The following AFF2 variants were observed in gnomAD, a reference collection of about 807,000 sequenced individuals.
The protein encoded by AFF2 is ALF transcription elongation factor 2.
A neutral mutation model predicts 76.9 loss-of-function variants in AFF2; 14 were observed. The ratio of observed to expected loss-of-function variants is 0.18; its 90% CI spans 0.12 to 0.28. The LOEUF (loss-of-function observed/expected upper bound fraction) is 0.28, where lower values mean the gene tolerates loss of function less well. AFF2 is among the 10% of genes least tolerant of loss of function. The pLI is 1.00. For synonymous variants in AFF2, 398 were observed against 366.7 expected (o/e 1.09, Z -0.98); for missense variants, 868 against 1,001.1 (o/e 0.87, Z 1.79).
chrX:148,834,505 ATGTGTGTGTGTGTGTGTG>A (rs61709112), intron 4 of AFF2, among the ~76,000 whole-genome samples: 1 of 91,688 alleles, frequency 1.1e-5, no homozygotes, highest in Non-Finnish European at 2.2e-5. Context: ...CCAGTCTCAG[ATGTGTGTGTGTGTGTGTG>A]TGTGTGTGTG....
intron 1 of AFF2, among the ~76,000 whole-genome samples, chrX:148,562,971 A>G (rs782049159): frequency 8.9e-6 from 1 of 112,307 alleles, no homozygotes; most frequent in Admixed American, 9.5e-5. Context: ...CCTGTAATGC[A>G]GTTACAGAAG....
chrX:148,549,505 C>T (rs1176023724), intron 1 of AFF2, among the ~76,000 whole-genome samples: 1 of 111,458 alleles, frequency 9.0e-6, no homozygotes, highest in Non-Finnish European at 1.9e-5. Context: ...TAATCATAGC[C>T]TCGTTTACCT....
intron 3 of AFF2, among the ~76,000 whole-genome samples, chrX:148,696,957 ACC>A: frequency 8.9e-6 from 1 of 112,233 alleles, no homozygotes; most frequent in African/African-American, 3.2e-5. Context: ...TTTGCTCCCA[ACC>A]CTGTTAATGC....
chrX:148,701,652 G>C (rs781822921), intron 3 of AFF2, among the ~76,000 whole-genome samples: 1 of 112,194 alleles, frequency 8.9e-6, no homozygotes, highest in South Asian at 3.7e-4. Flanking sequence ...TTCTAGAATC[G>C]TTGCTTTAGA....
chrX:148,593,881 C>T (rs1303197487), intron 1 of AFF2, among the ~76,000 whole-genome samples: 1 of 111,216 alleles, frequency 9.0e-6, no homozygotes, highest in Non-Finnish European at 1.9e-5. Flanking sequence ...TATGAACAAT[C>T]AGCATGGAAC....
chrX:148,646,750 C>T (rs1344296109), intron 1 of AFF2, among the ~76,000 whole-genome samples: 1 of 111,523 alleles, frequency 9.0e-6, no homozygotes, highest in Non-Finnish European at 1.9e-5. Flanking sequence ...TGCTGAGTTC[C>T]TCATGAGTCC....
At chrX:148,976,500 G>A (rs1247501910) in intron 16 of AFF2, among the ~76,000 whole-genome samples, 2 of 112,179 alleles carry the variant, frequency 1.8e-5, no homozygotes, top group African/African-American at 6.5e-5. Flanking sequence ...AATAAAATGA[G>A]TTAAAGCAAC....
intron 1 of AFF2, among the ~76,000 whole-genome samples, chrX:148,585,840 CAAA>C (rs1194523651): frequency 3.9e-5 from 1 of 25,540 alleles, no homozygotes. Context: ...GACTGCGTCT[CAAA>C]AAAAAAAAAA....
At chrX:148,966,700 T>C in intron 13 of AFF2, 90 bp from the exon 14 acceptor site, 2 of 1,140,816 alleles carry the variant, frequency 1.8e-6, no homozygotes, top group Non-Finnish European at 2.3e-6. Flanking sequence ...TTTGCCTTCT[T>C]TCGTAACGTG....
intron 19 of AFF2, among the ~76,000 whole-genome samples, chrX:148,982,509 C>A (rs1252083979): frequency 1.8e-5 from 2 of 111,810 alleles, no homozygotes; most frequent in African/African-American, 6.5e-5. Flanking sequence ...TTCTTGTCTG[C>A]AAGCAAGATT....
chrX:148,786,113 T>C (rs2069817511), intron 3 of AFF2, among the ~76,000 whole-genome samples: 1 of 111,968 alleles, frequency 8.9e-6, no homozygotes. Flanking sequence ...TGTGACTGTA[T>C]CATTACTGTC....
At chrX:148,656,594 G>C (rs1295296150) in intron 2 of AFF2, among the ~76,000 whole-genome samples, 1 of 101,047 alleles carries the variant, frequency 9.9e-6, no homozygotes, top group Non-Finnish European at 2.0e-5. Flanking sequence ...CCGCCTCCCG[G>C]GTTCACGCCA....
intron 19 of AFF2, among the ~76,000 whole-genome samples, chrX:148,984,009 A>G (rs1275203008): frequency 1.0e-5 from 1 of 97,602 alleles, no homozygotes; most frequent in Non-Finnish European, 2.0e-5. Context: ...GGAGAAAGAT[A>G]ACAACAAACA....
At chrX:148,588,266 AGT>A in intron 1 of AFF2, among the ~76,000 whole-genome samples, 1 of 113,036 alleles carries the variant, frequency 8.8e-6, no homozygotes, top group Non-Finnish European at 1.9e-5. Flanking sequence ...GGTCTGTCAA[AGT>A]TACTCCTTGA....
Position 148,958,352 on chromosome X carries a change from GAGA to G in AFF2, c.2588_2590del (p.Lys863del). On this transcript the variant is annotated inframe_deletion, in exon 12 of 21. Transcript: ENST00000370460. Reference sequence around the variant, plus strand: ...CCTGTTAAAGCCAATAGAAGTTGCAGAGAAGATCCCTGAGAAGAAGCAGCGCCT... The same window carrying G: ...CCTGTTAAAGCCAATAGAAGTTGCAGAGATCCCTGAGAAGAAGCAGCGCCT... 8.3e-7 allele frequency: 1 copy of G among 1,211,410 alleles called. No individual in the cohort carries two copies. Among genetic ancestry groups the G allele is most frequent in the Non-Finnish European group, 1.1e-6 (1 of 895,293 alleles).
chrX:148,501,060 A>G lies in AFF2; in HGVS notation c.-38A>G. On this transcript the variant is annotated 5_prime_UTR_variant, in exon 1 of 21. Coordinates refer to ENST00000370460, the MANE Select transcript of AFF2 (RefSeq NM_002025.4). ...AGAGCCGCGCCGACCCGCTGCGATC[A>G]GGGACAGGCGCCCGCCCGCCGCCGC... 2 of 1,194,290 alleles carry G rather than the reference A, an allele frequency of 1.7e-6. No individual in the cohort carries two copies. The highest frequency in any genetic ancestry group is 2.2e-6 in the Non-Finnish European group (2 of 889,099).
chrX:148,936,285 T>C (rs2071774836), intron 9 of AFF2, among the ~76,000 whole-genome samples: 1 of 112,386 alleles, frequency 8.9e-6, no homozygotes, highest in African/African-American at 3.2e-5. Context: ...CTATTTAATA[T>C]CTGACATGCA....
At chrX:148,511,614 A>G (rs895808018) in intron 1 of AFF2, among the ~76,000 whole-genome samples, 1 of 111,946 alleles carries the variant, frequency 8.9e-6, no homozygotes, top group African/African-American at 3.2e-5. Flanking sequence ...GCATTATGGC[A>G]TATACTTTAC....
In AFF2 at chrX:148,561,142, A is replaced by G. The variant is rs191580063; in HGVS notation, c.47+59998A>G. On this transcript the variant is annotated intron_variant, in intron 1 of 20. Coordinates refer to ENST00000370460, the MANE Select transcript of AFF2 (RefSeq NM_002025.4). ...TAGGTAATAATAAACATATTTGTTG[A>G]TTGTTAAAAACCAAAACATGAGTGA... 7.1e-5 allele frequency among the ~76,000 whole-genome samples: 8 copies of G among 112,651 alleles called. No individual in the cohort carries two copies. The Admixed American group carries it at 7.5e-4, about 11-fold the overall frequency.
Sources: gnomAD v4.1 joint callset for allele counts (sites outside exome capture counted in the v4.1 genomes callset) on GRCh38, gnomAD v4.1.1 for gene constraint, MANE v1.5 for transcripts, NCBI Gene and HGNC (gene_info 2026-07-23, HGNC 2026-07-21) for gene names.